The following CSMD1 variants were observed in gnomAD, a reference collection of about 807,000 sequenced individuals.
CSMD1 encodes CUB and Sushi multiple domains 1, also known as CUB and sushi domain-containing protein 1.
In CSMD1, 213 loss-of-function variants were observed where a neutral mutation model predicts 417.5. That is an observed-to-expected ratio of 0.51 (90% CI 0.46 to 0.57). The LOEUF is 0.57. CSMD1 is among the 20% of genes least tolerant of loss of function. The pLI is 0.00. For missense variants in CSMD1, 6,923 were observed against 4,529.7 expected, an observed-to-expected ratio of 1.53 and a Z score of -15.17; for synonymous variants, 2,862 against 1,736.8, an observed-to-expected ratio of 1.65 and a Z score of -16.11.
intron 5 of CSMD1, among the ~76,000 whole-genome samples, chr8:3,792,628 G>A (rs1178356099): frequency 1.3e-5 from 2 of 152,196 alleles, no homozygotes; most frequent in African/African-American, 4.8e-5. Flanking sequence ...ATCATGACAG[G>A]CAGTAAGTTA....
chr8:3,293,207 A>G (rs1199343958), intron 25 of CSMD1, among the ~76,000 whole-genome samples: 2 of 152,044 alleles, frequency 1.3e-5, no homozygotes, highest in South Asian at 2.1e-4. Context: ...TGTTGGTCTG[A>G]TGGGCTTCCT....
intron 2 of CSMD1, among the ~76,000 whole-genome samples, chr8:4,595,191 C>T (rs1488062311): frequency 1.3e-5 from 2 of 151,576 alleles, no homozygotes; most frequent in African/African-American, 4.8e-5. Context: ...GCAGAAACAT[C>T]CTAAAATGTA....
At position 3,018,678 on chromosome 8, in the gene CSMD1, TC is replaced by T. The variant is rs143957447; in HGVS notation, c.7856-29del. 6.7e-3 allele frequency: 10,647 copies of T among 1,596,528 alleles called. 633 individuals are homozygous for T. The African/African-American group carries it at 0.13, about 19-fold the overall frequency. ...AGAAGGAAAAACAATAAAATGAACA[TC>T]AATTCAGTTATGCAGATTACTCCTG... is the stretch of plus-strand genomic sequence containing the variant. On this transcript the variant is annotated intron_variant, in intron 51 of 69. Coordinates refer to ENST00000635120, the MANE Select transcript of CSMD1 (RefSeq NM_033225.6).
At chr8:3,039,390 TCCCCC>T (rs1563267013) in intron 50 of CSMD1, among the ~76,000 whole-genome samples, 1 of 146,042 alleles carries the variant, frequency 6.8e-6, no homozygotes, top group African/African-American at 2.6e-5. Flanking sequence ...CTTCCTTCCT[TCCCCC>T]TTCCCTTCCT....
chr8:3,767,167 T>G (rs1323557496), intron 5 of CSMD1, among the ~76,000 whole-genome samples: 3 of 152,220 alleles, frequency 2.0e-5, no homozygotes, highest in Non-Finnish European at 1.5e-5. Context: ...GTGCTGTGCT[T>G]CTTAGGTCAC....
chr8:3,023,475 A>G, intron 51 of CSMD1, among the ~76,000 whole-genome samples: 1 of 152,212 alleles, frequency 6.6e-6, no homozygotes, highest in Non-Finnish European at 1.5e-5. Context: ...GAAGGTGTGT[A>G]GCCGCCTCTA....
intron 10 of CSMD1, among the ~76,000 whole-genome samples, chr8:3,515,902 G>C (rs1797263176): frequency 6.6e-6 from 1 of 152,198 alleles, no homozygotes; most frequent in African/African-American, 2.4e-5. Context: ...AATAGTGTTT[G>C]GTTACAGCAG....
intron 2 of CSMD1, among the ~76,000 whole-genome samples, chr8:4,496,223 G>GA (rs1172870598): frequency 3.9e-5 from 6 of 152,178 alleles, no homozygotes; most frequent in East Asian, 1.9e-4. Context: ...TTTGCAAAGA[G>GA]AAAAAAACAA....
At chr8:4,363,587 G>A (rs1383797334) in intron 3 of CSMD1, among the ~76,000 whole-genome samples, 1 of 152,172 alleles carries the variant, frequency 6.6e-6, no homozygotes, top group Non-Finnish European at 1.5e-5. Flanking sequence ...TCTGCCTGGA[G>A]GACCCATTTC....
intron 42 of CSMD1, among the ~76,000 whole-genome samples, chr8:3,116,716 G>T (rs968896895): frequency 6.6e-6 from 1 of 152,146 alleles, no homozygotes; most frequent in African/African-American, 2.4e-5. Flanking sequence ...AACAAAGCTT[G>T]AGAAAGCAAT....
intron 1 of CSMD1, among the ~76,000 whole-genome samples, chr8:4,843,498 A>G (rs975510789): frequency 6.6e-6 from 1 of 152,192 alleles, no homozygotes; most frequent in Non-Finnish European, 1.5e-5. Context: ...AGTAGCAAAG[A>G]CTAATCGATC....
chr8:4,315,048 G>T (rs1286406948), intron 3 of CSMD1, among the ~76,000 whole-genome samples: 2 of 152,138 alleles, frequency 1.3e-5, no homozygotes, highest in African/African-American at 4.8e-5. Context: ...GACTGCGTTG[G>T]CTTCCCACTG....
intron 10 of CSMD1, among the ~76,000 whole-genome samples, chr8:3,536,725 G>C (rs533058529): frequency 5.3e-5 from 8 of 152,260 alleles, no homozygotes; most frequent in Admixed American, 3.9e-4. Flanking sequence ...CTCCGGTCTT[G>C]CAGGTGGCAG....
rs539277987 is a variant in CSMD1, at chr8:3,228,780, AG to A, written c.4345+1259del. The stretch of plus-strand genomic sequence containing the variant: ...CGAGCCTAAAAACATGCAAAATGGA[AG>A]GAAAAAAAAAAACCCTTTCCTACTG... On this transcript the variant is annotated intron_variant, in intron 27 of 69. Transcript: ENST00000635120. Among the ~76,000 whole-genome samples the A allele has an allele frequency of 5.5e-3, 830 of 152,122 alleles. 8 individuals carry two copies. The highest frequency in any genetic ancestry group is 0.019 in the African/African-American group (773 of 41,492).
chr8:4,760,975 G>C (rs148176254), intron 1 of CSMD1, among the ~76,000 whole-genome samples: 80 of 152,028 alleles, frequency 5.3e-4, no homozygotes, highest in African/African-American at 1.9e-3. Flanking sequence ...TGCATTATTA[G>C]CTTCCACACT....
intron 10 of CSMD1, among the ~76,000 whole-genome samples, chr8:3,507,034 G>A (rs991420945): frequency 2.6e-4 from 39 of 152,120 alleles, no homozygotes; most frequent in African/African-American, 8.7e-4. Context: ...TTGAACAAAC[G>A]TATATACCAA....
intron 26 of CSMD1, among the ~76,000 whole-genome samples, chr8:3,273,507 G>C (rs1802033463): frequency 6.6e-6 from 1 of 152,164 alleles, no homozygotes; most frequent in South Asian, 2.1e-4. Context: ...AGAAGGAATG[G>C]TACAAATTCC....
chr8:4,762,035 C>G (rs1403611828), intron 1 of CSMD1, among the ~76,000 whole-genome samples: 1 of 151,850 alleles, frequency 6.6e-6, no homozygotes, highest in Non-Finnish European at 1.5e-5. Flanking sequence ...TATTAAGACT[C>G]AGGATACTGA....
chr8:3,537,646 T>C (rs1218768835), intron 10 of CSMD1, among the ~76,000 whole-genome samples: 1 of 152,096 alleles, frequency 6.6e-6, no homozygotes, highest in Non-Finnish European at 1.5e-5. Context: ...TGTAGCATCA[T>C]TTATTTCAGG....
Sources: gnomAD v4.1 joint callset for allele counts (sites outside exome capture counted in the v4.1 genomes callset) on GRCh38, gnomAD v4.1.1 for gene constraint, MANE v1.5 for transcripts, NCBI Gene and HGNC (gene_info 2026-07-23, HGNC 2026-07-21) for gene names.